The following MGMT variants were observed in gnomAD, a reference collection of about 807,000 sequenced individuals.
The protein encoded by MGMT is O-6-methylguanine-DNA methyltransferase, also known as methylated-DNA--protein-cysteine methyltransferase.
MGMT carries 14 observed loss-of-function variants against 15.9 expected under a neutral mutation model. The observed-to-expected ratio is 0.88, with a 90% CI of 0.58 to 1.37. MGMT has a LOEUF of 1.37. MGMT is among the 40% of genes most tolerant of loss of function. The probability of loss-of-function intolerance (pLI) is 0.00; values close to 1 mark genes in which losing one functional copy is unlikely to be tolerated. For missense variants in MGMT, 282 were observed against 268.1 expected (o/e 1.05, Z -0.36); for synonymous variants, 130 against 118.2 (o/e 1.10, Z -0.65).
At chr10:129,567,177 G>A (rs778305778) in intron 2 of MGMT, among the ~76,000 whole-genome samples, 55 of 152,246 alleles carry the variant, frequency 3.6e-4, no homozygotes, top group Non-Finnish European at 5.7e-4. Flanking sequence ...CGTTCAGCCC[G>A]TGCGGGTGGT....
Position 129,749,979 on chromosome 10 carries a change from G to A in MGMT, c.275-9223G>A, listed in dbSNP as rs150114400. Reference sequence around the variant, plus strand: ...AATTGGGTTGTTTGACTTTTTTCTTGTTGAATTTTAAGAGTCTTTTTATAA... The same window carrying A: ...AATTGGGTTGTTTGACTTTTTTCTTATTGAATTTTAAGAGTCTTTTTATAA... On this transcript the variant is annotated intron_variant, in intron 3 of 4. Transcript: ENST00000651593. Among the ~76,000 whole-genome samples, 1,389 of 152,018 alleles carry A rather than the reference G, an allele frequency of 9.1e-3. 21 individuals are homozygous for A. Among genetic ancestry groups the A allele is most frequent in the African/African-American group, 0.032 (1,335 of 41,452 alleles).
chr10:129,746,537 A>G (rs1050083685), intron 3 of MGMT, among the ~76,000 whole-genome samples: 2 of 152,072 alleles, frequency 1.3e-5, no homozygotes, highest in Non-Finnish European at 2.9e-5. Flanking sequence ...GCCTATGGAT[A>G]TCCAATTTTC....
chr10:129,675,373 T>TG (rs1847773137), intron 2 of MGMT, among the ~76,000 whole-genome samples: 1 of 152,152 alleles, frequency 6.6e-6, no homozygotes, highest in African/African-American at 2.4e-5. Context: ...AGGGAATGAC[T>TG]GGGTTTAGAC....
At chr10:129,710,895 G>A (rs1470300405) in intron 3 of MGMT, among the ~76,000 whole-genome samples, 1 of 152,164 alleles carries the variant, frequency 6.6e-6, no homozygotes, top group Non-Finnish European at 1.5e-5. Flanking sequence ...TTCTGTATAT[G>A]TTTAACATAC....
At chr10:129,489,544 A>G (rs370365386) in intron 1 of MGMT, among the ~76,000 whole-genome samples, 37 of 152,036 alleles carry the variant, frequency 2.4e-4, no homozygotes, top group African/African-American at 8.7e-4. Flanking sequence ...TTGGGTCTGT[A>G]GACTAATGTG....
At chr10:129,713,891 G>A (rs117715234) in intron 3 of MGMT, among the ~76,000 whole-genome samples, 4 of 152,280 alleles carry the variant, frequency 2.6e-5, no homozygotes, top group East Asian at 1.9e-4. Context: ...CTCATCTGCC[G>A]GCACACGGCC....
rs560444866 is a variant in MGMT, at chr10:129,523,269, C to T, written c.-12-12972C>T. On this transcript the variant is annotated intron_variant, in intron 1 of 4. Coordinates refer to ENST00000651593, the MANE Select transcript of MGMT (RefSeq NM_002412.5). The stretch of plus-strand genomic sequence containing the variant: ...CCTGTGGGGTGAGCGCCATCCTGGC[C>T]AGGCCACACGGCCGGGGCAGCTTCT... 3.2e-3 allele frequency among the ~76,000 whole-genome samples: 484 copies of T among 152,362 alleles called. 1 individual carries two copies. Among genetic ancestry groups the T allele is most frequent in the Middle Eastern group, 6.8e-3 (2 of 294 alleles).
At chr10:129,586,374 A>G (rs1288313929) in intron 2 of MGMT, among the ~76,000 whole-genome samples, 1 of 152,174 alleles carries the variant, frequency 6.6e-6, no homozygotes, top group Non-Finnish European at 1.5e-5. Context: ...TCCCCAGGCA[A>G]TCACTGATCT....
At chr10:129,600,713 G>C (rs891428658) in intron 2 of MGMT, among the ~76,000 whole-genome samples, 2 of 152,194 alleles carry the variant, frequency 1.3e-5, no homozygotes, top group African/African-American at 4.8e-5. Context: ...TGGCCTGCGT[G>C]GGTATCCTAA....
chr10:129,592,564 T>G (rs147056225), intron 2 of MGMT, among the ~76,000 whole-genome samples: 2 of 152,304 alleles, frequency 1.3e-5, no homozygotes, highest in Admixed American at 1.3e-4. Flanking sequence ...TTCGGAAGGC[T>G]TCAGGGTCCA....
chr10:129,527,241 G>C (rs1316249278), intron 1 of MGMT, among the ~76,000 whole-genome samples: 1 of 152,180 alleles, frequency 6.6e-6, no homozygotes, highest in Non-Finnish European at 1.5e-5. Context: ...TTAGACTATG[G>C]TACTCTCAGC....
At chr10:129,576,589 G>T (rs1452756176) in intron 2 of MGMT, among the ~76,000 whole-genome samples, 1 of 152,122 alleles carries the variant, frequency 6.6e-6, no homozygotes, top group Non-Finnish European at 1.5e-5. Context: ...ATACTGAATG[G>T]ACAAAAACTG....
At chr10:129,753,937 G>A (rs1046853207) in intron 3 of MGMT, among the ~76,000 whole-genome samples, 1 of 152,156 alleles carries the variant, frequency 6.6e-6, no homozygotes, top group Non-Finnish European at 1.5e-5. Context: ...GTTTTAGGAG[G>A]TAGTCAACCT....
At chr10:129,480,189 C>G (rs926798247) in intron 1 of MGMT, among the ~76,000 whole-genome samples, 20 of 152,132 alleles carry the variant, frequency 1.3e-4, no homozygotes, top group African/African-American at 4.6e-4. Context: ...TCTGGCCTCA[C>G]TCAGGTAAGT....
chr10:129,577,140 C>T (rs1177608777), intron 2 of MGMT, among the ~76,000 whole-genome samples: 1 of 152,130 alleles, frequency 6.6e-6, no homozygotes, highest in Non-Finnish European at 1.5e-5. Flanking sequence ...AATGCCATCC[C>T]CATCAAGCTA....
At chr10:129,708,168 G>C in intron 3 of MGMT, 125 bp downstream of exon 3, 2 of 1,329,192 alleles carry the variant, frequency 1.5e-6, no homozygotes, top group Middle Eastern at 2.4e-4. Context: ...AACAGAGGCA[G>C]CGTTTGGCCG....
At chr10:129,490,025 T>A (rs974848117) in intron 1 of MGMT, among the ~76,000 whole-genome samples, 1 of 152,184 alleles carries the variant, frequency 6.6e-6, no homozygotes, top group African/African-American at 2.4e-5. Flanking sequence ...TAACTCTTCA[T>A]TAACAAAAAT....
At chr10:129,728,158 A>T (rs1329160942) in intron 3 of MGMT, among the ~76,000 whole-genome samples, 2 of 152,166 alleles carry the variant, frequency 1.3e-5, no homozygotes, top group Admixed American at 1.3e-4. Context: ...GCACCAGGGG[A>T]CAAGGGGGAC....
chr10:129,558,116 G>C (rs1846236359), intron 2 of MGMT, among the ~76,000 whole-genome samples: 1 of 152,200 alleles, frequency 6.6e-6, no homozygotes, highest in Admixed American at 6.5e-5. Context: ...TGTGCGCCCG[G>C]GGTCAGGTGT....
Sources: gnomAD v4.1 joint callset for allele counts (sites outside exome capture counted in the v4.1 genomes callset) on GRCh38, gnomAD v4.1.1 for gene constraint, MANE v1.5 for transcripts, NCBI Gene and HGNC (gene_info 2026-07-23, HGNC 2026-07-21) for gene names.